The following YEATS4 variants were observed in gnomAD, a reference collection of about 807,000 sequenced individuals.
YEATS4 encodes the protein YEATS domain-containing protein 4.
In YEATS4, 17 loss-of-function variants were observed where a neutral mutation model predicts 30.1. That is an observed-to-expected ratio of 0.56 (90% confidence interval 0.39 to 0.85). The LOEUF is 0.85. Among genes scored for constraint, YEATS4 ranks in the 40% least tolerant of loss-of-function variants. The probability of loss-of-function intolerance (pLI) is 0.00; values close to 1 mark genes in which losing one functional copy is unlikely to be tolerated. For missense variants in YEATS4, 142 were observed against 268.3 expected, an observed-to-expected ratio of 0.53 and a Z score of 3.29; for synonymous variants, 85 against 87.5, an observed-to-expected ratio of 0.97 and a Z score of 0.16.
downstream of YEATS4, among the ~76,000 whole-genome samples, chr12:69,394,545 A>G (rs1157798288): frequency 6.6e-6 from 1 of 152,218 alleles, no homozygotes; most frequent in Non-Finnish European, 1.5e-5. Context: ...AGATAAACTG[A>G]TAACAGAGAA....
intron 6 of YEATS4, among the ~76,000 whole-genome samples, chr12:69,373,372 G>A (rs951371260): frequency 2.6e-5 from 4 of 152,082 alleles, no homozygotes; most frequent in Admixed American, 6.5e-5. Flanking sequence ...GTTTTAATTT[G>A]CATTTTTCTG....
chr12:69,404,801 T>G, the YEATS4 span, among the ~76,000 whole-genome samples: 348 of 152,342 alleles, frequency 2.3e-3, 2 homozygotes, highest in Non-Finnish European at 3.4e-3. Flanking sequence ...AGGTGGGTTC[T>G]GTGGCCATGT....
At chr12:69,384,393 C>G (rs1036405119) in intron 6 of YEATS4, among the ~76,000 whole-genome samples, 2 of 152,110 alleles carry the variant, frequency 1.3e-5, no homozygotes, top group Admixed American at 6.6e-5. Flanking sequence ...TTAAATCTTA[C>G]GTATGGAGCT....
chr12:69,413,631 C>G, the YEATS4 span, among the ~76,000 whole-genome samples: 1 of 151,210 alleles, frequency 6.6e-6, no homozygotes, highest in Non-Finnish European at 1.5e-5. Flanking sequence ...ACAGGCAGAT[C>G]ACTTGAGGTC....
In YEATS4 at chr12:69,380,363, C is replaced by T. The variant is rs115338971; in HGVS notation, c.514+9388C>T. ...GTGGTTCTTGCAGATTTGTAGGGTA[C>T]GACTTTGGTGGTCTTGGATAAGATC... On this transcript the variant is annotated intron_variant, in intron 6 of 6. Coordinates refer to ENST00000247843, the MANE Select transcript of YEATS4 (RefSeq NM_006530.4). Among the ~76,000 whole-genome samples, 699 of 152,258 alleles carry T rather than the reference C, an allele frequency of 4.6e-3. 3 individuals carry two copies. Among genetic ancestry groups the T allele is most frequent in the African/African-American group, 0.016 (651 of 41,552 alleles).
chr12:69,378,830 AT>A (rs143296477), intron 6 of YEATS4, among the ~76,000 whole-genome samples: 1 of 152,314 alleles, frequency 6.6e-6, no homozygotes, highest in East Asian at 1.9e-4. Context: ...ATGTAATAAT[AT>A]TCTTTGTTTT....
chr12:69,381,182 G>A (rs187551742), intron 6 of YEATS4, among the ~76,000 whole-genome samples: 45 of 152,156 alleles, frequency 3.0e-4, no homozygotes, highest in Non-Finnish European at 5.7e-4. Flanking sequence ...CTACAGCTGC[G>A]ACCGTAAAAG....
intron 2 of YEATS4, 26 bp from the exon 3 acceptor site, chr12:69,365,607 A>C: frequency 6.5e-7 from 1 of 1,545,690 alleles, no homozygotes; most frequent in Middle Eastern, 1.9e-4. Flanking sequence ...GTAGATCATA[A>C]AACTAACTAA....
At chr12:69,420,314 C>G in the YEATS4 span, among the ~76,000 whole-genome samples, 1 of 151,860 alleles carries the variant, frequency 6.6e-6, no homozygotes, top group Admixed American at 6.6e-5. Flanking sequence ...TGAAGAAATG[C>G]TGTGGAGGTC....
chr12:69,389,501 A>G (rs1417974434), intron 6 of YEATS4, among the ~76,000 whole-genome samples: 1 of 150,076 alleles, frequency 6.7e-6, no homozygotes. Context: ...GAATACTTGT[A>G]GTTAACGCTT....
chr12:69,371,561 C>G (rs557336763), intron 6 of YEATS4, among the ~76,000 whole-genome samples: 1 of 152,172 alleles, frequency 6.6e-6, no homozygotes, highest in East Asian at 1.9e-4. Context: ...ATTTGACATC[C>G]CTGTGTTAAC....
downstream of YEATS4, among the ~76,000 whole-genome samples, chr12:69,393,511 GA>G (rs11443013): frequency 1.1e-4 from 16 of 143,492 alleles, no homozygotes; most frequent in African/African-American, 3.4e-4. Flanking sequence ...TACCAGCTAG[GA>G]AAAAAAAAAG....
chr12:69,396,774 C>A, the YEATS4 span, among the ~76,000 whole-genome samples: 1 of 152,166 alleles, frequency 6.6e-6, no homozygotes. Flanking sequence ...TCATTGAGAT[C>A]ACTGATGCTA....
chr12:69,380,089 C>A (rs1345516202), intron 6 of YEATS4, among the ~76,000 whole-genome samples: 1 of 152,160 alleles, frequency 6.6e-6, no homozygotes, highest in Non-Finnish European at 1.5e-5. Context: ...AGAGATTGGT[C>A]ACTGATGCCT....
chr12:69,419,014 C>CATATATAT, the YEATS4 span, among the ~76,000 whole-genome samples: 52 of 143,362 alleles, frequency 3.6e-4, no homozygotes, highest in South Asian at 2.7e-3. Context: ...TAATTTAAGC[C>CATATATAT]ATATATATAT....
intron 6 of YEATS4, 123 bp downstream of exon 6, chr12:69,371,098 A>T: frequency 1.1e-6 from 1 of 901,222 alleles, no homozygotes; most frequent in Admixed American, 3.2e-5. Flanking sequence ...GTGTTAAAAA[A>T]CACAGTTTGT....
chr12:69,370,977 T>C lies in YEATS4; in HGVS notation c.514+2T>C, dbSNP rs1875616588. The stretch of plus-strand genomic sequence containing the variant: ...GAGCCTATAAGCATGAAACAGAATG[T>C]AAGTGCCATGCATTCATAATTCTGA... On this transcript the variant is annotated splice_donor_variant, in intron 6 of 6. Coordinates refer to ENST00000247843, the MANE Select transcript of YEATS4 (RefSeq NM_006530.4). LOFTEE classifies it high-confidence loss of function. 6.2e-7 allele frequency: 1 copy of C among 1,606,434 alleles called. No homozygotes were observed. Among genetic ancestry groups the C allele is most frequent in the Non-Finnish European group, 8.5e-7 (1 of 1,177,246 alleles).
chr12:69,373,404 C>G (rs1221923075), intron 6 of YEATS4, among the ~76,000 whole-genome samples: 1 of 152,112 alleles, frequency 6.6e-6, no homozygotes, highest in Non-Finnish European at 1.5e-5. Flanking sequence ...TGTTGAGCAC[C>G]TTTTCGTATA....
chr12:69,360,230 C>T (rs1330532612), intron 1 of YEATS4, among the ~76,000 whole-genome samples: 1 of 152,142 alleles, frequency 6.6e-6, no homozygotes, highest in African/African-American at 2.4e-5. Flanking sequence ...TGCCAACTCC[C>T]ACCCCCGCCA....
Sources: gnomAD v4.1 joint callset for allele counts (sites outside exome capture counted in the v4.1 genomes callset) on GRCh38, gnomAD v4.1.1 for gene constraint, MANE v1.5 for transcripts, NCBI Gene and HGNC (gene_info 2026-07-23, HGNC 2026-07-21) for gene names.